The following RUNX1 variants were observed in gnomAD, a reference collection of about 807,000 sequenced individuals.
RUNX1 encodes the protein runt-related transcription factor 1.
RUNX1 carries 19 observed loss-of-function variants against 42.8 expected under a neutral mutation model. The observed-to-expected ratio is 0.44, with a 90% CI of 0.31 to 0.65. The LOEUF (loss-of-function observed/expected upper bound fraction) is 0.65, where lower values mean the gene tolerates loss of function less well. Among genes scored for constraint, RUNX1 ranks in the 30% least tolerant of loss-of-function variants. The pLI, the probability that RUNX1 is intolerant of heterozygous loss-of-function variation, is 0.07. For missense variants in RUNX1, 528 were observed against 672.0 expected (o/e 0.79, Z 2.37); for synonymous variants, 271 against 289.4 (o/e 0.94, Z 0.64).
intron 4 of RUNX1, among the ~76,000 whole-genome samples, chr21:34,885,452 T>TC (rs2057969060): frequency 6.6e-6 from 1 of 151,784 alleles, no homozygotes. Context: ...CCACGTTCCT[T>TC]CGTTCCTTCT....
At chr21:35,039,532 C>A (rs1229337515) in intron 2 of RUNX1, among the ~76,000 whole-genome samples, 1 of 152,144 alleles carries the variant, frequency 6.6e-6, no homozygotes, top group Non-Finnish European at 1.5e-5. Flanking sequence ...AACTCTATGA[C>A]ACAGCACATA....
At chr21:34,827,693 C>A (rs991121640) in intron 7 of RUNX1, among the ~76,000 whole-genome samples, 2 of 152,182 alleles carry the variant, frequency 1.3e-5, no homozygotes, top group Admixed American at 6.5e-5. Flanking sequence ...GTGCAGCACA[C>A]CTTGGCCACC....
chr21:34,895,145 T>C (rs2058120053), intron 2 of RUNX1, among the ~76,000 whole-genome samples: 1 of 152,184 alleles, frequency 6.6e-6, no homozygotes, highest in Admixed American at 6.5e-5. Flanking sequence ...TTTAATGTCA[T>C]TTCTGTCATC....
At chr21:35,023,300 G>A (rs2059212852) in intron 2 of RUNX1, among the ~76,000 whole-genome samples, 1 of 152,150 alleles carries the variant, frequency 6.6e-6, no homozygotes, top group Non-Finnish European at 1.5e-5. Context: ...TTGTTTAACT[G>A]CCAGCCTGCA....
intron 7 of RUNX1, among the ~76,000 whole-genome samples, chr21:34,827,729 G>C (rs2057008649): frequency 6.6e-6 from 1 of 152,180 alleles, no homozygotes; most frequent in Admixed American, 6.5e-5. Flanking sequence ...GTGGGCCTAG[G>C]TATACCTAGG....
At chr21:34,892,802 A>G in intron 3 of RUNX1, 123 bp downstream of exon 3, 1 of 654,190 alleles carries the variant, frequency 1.5e-6, no homozygotes, top group East Asian at 2.7e-5. Context: ...CAGCAGAAAC[A>G]GCCTTAATTA....
chr21:34,971,884 C>T (rs546120822), intron 2 of RUNX1, among the ~76,000 whole-genome samples: 3 of 152,182 alleles, frequency 2.0e-5, no homozygotes, highest in Non-Finnish European at 4.4e-5. Flanking sequence ...TTTCTGTGGC[C>T]TACCCTGATG....
chr21:34,870,943 C>T (rs570847541), intron 5 of RUNX1, among the ~76,000 whole-genome samples: 14 of 151,788 alleles, frequency 9.2e-5, no homozygotes, highest in African/African-American at 1.5e-4. Context: ...GGTGACAGGG[C>T]GAGACTCCAT....
At chr21:34,940,403 G>A (rs1306340760) in intron 2 of RUNX1, among the ~76,000 whole-genome samples, 1 of 152,102 alleles carries the variant, frequency 6.6e-6, no homozygotes, top group African/African-American at 2.4e-5. Context: ...TTTCTCAAGC[G>A]AAGTTCTAAA....
At chr21:34,804,369 A>T (rs1359766842) in intron 7 of RUNX1, among the ~76,000 whole-genome samples, 1 of 152,214 alleles carries the variant, frequency 6.6e-6, no homozygotes, top group African/African-American at 2.4e-5. Context: ...GGAGGAGTTC[A>T]TAGAGAAGCT....
chr21:34,809,763 T>C (rs1448898286), intron 7 of RUNX1, among the ~76,000 whole-genome samples: 2 of 152,094 alleles, frequency 1.3e-5, no homozygotes, highest in African/African-American at 2.4e-5. Flanking sequence ...CTGGGGCAGA[T>C]CATGTTAAGT....
intron 2 of RUNX1, among the ~76,000 whole-genome samples, chr21:35,038,262 G>A (rs564929578): frequency 6.4e-4 from 98 of 152,114 alleles, no homozygotes; most frequent in Non-Finnish European, 7.4e-4. Flanking sequence ...CAGGCTTCCT[G>A]CTCCCCGATC....
intron 2 of RUNX1, among the ~76,000 whole-genome samples, chr21:34,941,810 C>A (rs551684732): frequency 2.7e-5 from 4 of 146,470 alleles, no homozygotes; most frequent in African/African-American, 7.5e-5. Flanking sequence ...ATGATGATTT[C>A]TTTTTCTTTT....
intron 2 of RUNX1, among the ~76,000 whole-genome samples, chr21:35,047,557 ACACACTCTCTCTCT>A (rs1288673986): frequency 1.8e-4 from 14 of 75,806 alleles, no homozygotes; most frequent in African/African-American, 7.5e-4. Flanking sequence ...ACACACACAC[ACACACTCTCTCTCT>A]CTCTCTCTCT....
At chr21:34,948,087 CTTT>C (rs368333100) in intron 2 of RUNX1, among the ~76,000 whole-genome samples, 1 of 137,058 alleles carries the variant, frequency 7.3e-6, no homozygotes, top group South Asian at 2.3e-4. Context: ...CAAAAGAAAT[CTTT>C]TTTTTTTTTT....
At chr21:34,821,039 T>C (rs1026018754) in intron 7 of RUNX1, among the ~76,000 whole-genome samples, 12 of 152,224 alleles carry the variant, frequency 7.9e-5, no homozygotes, top group African/African-American at 2.9e-4. Flanking sequence ...AGTTTACCAT[T>C]TGGTCTTGTG....
rs2146408031 is a variant in RUNX1, at chr21:34,886,857, G to C, written c.337C>G (p.Pro113Ala). The C allele has an allele frequency of 6.2e-7, 1 of 1,613,492 alleles. No individual in the cohort carries two copies. Among genetic ancestry groups the C allele is most frequent in the Non-Finnish European group, 8.5e-7 (1 of 1,179,776 alleles). ...CGGGCCAGTACCTTGAAAGCGATGG[G>C]CAGGGTCTTGTTGCAGCGCCAGTGC... ...PTHWRCNKTL[P>A]IAFKVVALGD... is the part of the protein sequence containing the mutation. Residue 113 changes from proline to alanine, a missense_variant, in exon 4 of 9, where the codon CCC becomes GCC. Coordinates refer to ENST00000675419, the MANE Select transcript of RUNX1 (RefSeq NM_001754.5).
At chr21:34,958,817 T>C (rs987000185) in intron 2 of RUNX1, among the ~76,000 whole-genome samples, 5 of 151,754 alleles carry the variant, frequency 3.3e-5, no homozygotes, top group African/African-American at 1.2e-4. Flanking sequence ...CCAACAATGA[T>C]AGACTGGATT....
At chr21:34,919,481 C>T (rs1362086705) in intron 2 of RUNX1, among the ~76,000 whole-genome samples, 2 of 152,196 alleles carry the variant, frequency 1.3e-5, no homozygotes, top group Admixed American at 1.3e-4. Context: ...TGCATGGAAG[C>T]TCCTGCTCTC....
Sources: gnomAD v4.1 joint callset for allele counts (sites outside exome capture counted in the v4.1 genomes callset) on GRCh38, gnomAD v4.1.1 for gene constraint, MANE v1.5 for transcripts, NCBI Gene and HGNC (gene_info 2026-07-23, HGNC 2026-07-21) for gene names.